ROBO2: variants seen among roughly 807,000 people sequenced by gnomAD.
The protein encoded by ROBO2 is roundabout guidance receptor 2, also known as roundabout homolog 2.
ROBO2 carries 53 observed loss-of-function variants against 160.8 expected under a neutral mutation model. The observed-to-expected ratio is 0.33, with a 90% CI of 0.26 to 0.41. ROBO2 has a LOEUF of 0.41. Ranked by LOEUF, ROBO2 falls within the 10% of genes least tolerant of loss-of-function variation. ROBO2 has a pLI of 1.00. For synonymous variants in ROBO2, 664 were observed against 611.7 expected (o/e 1.09, Z -1.26); for missense variants, 1,577 against 1,722.4 (o/e 0.92, Z 1.49).
At chr3:77,443,473 T>G (rs1168064872) in intron 2 of ROBO2, among the ~76,000 whole-genome samples, 2 of 152,152 alleles carry the variant, frequency 1.3e-5, no homozygotes, top group Non-Finnish European at 2.9e-5. Context: ...CTAGTATATT[T>G]TATAACTACT....
intron 2 of ROBO2, among the ~76,000 whole-genome samples, chr3:76,271,123 T>A (rs1707407274): frequency 6.6e-6 from 1 of 152,096 alleles, no homozygotes; most frequent in African/African-American, 2.4e-5. Flanking sequence ...AAAATAAGCC[T>A]ACTTATCTTT....
chr3:76,850,581 T>C (rs1338528027), intron 2 of ROBO2, among the ~76,000 whole-genome samples: 1 of 152,152 alleles, frequency 6.6e-6, no homozygotes, highest in African/African-American at 2.4e-5. Context: ...TAAGTTCTAG[T>C]GCCCACAGTA....
intron 2 of ROBO2, among the ~76,000 whole-genome samples, chr3:77,169,444 G>A (rs552153152): frequency 1.3e-5 from 2 of 152,276 alleles, no homozygotes; most frequent in Non-Finnish European, 2.9e-5. Context: ...TTGCCAAGTT[G>A]TTTGTGAATC....
intron 2 of ROBO2, among the ~76,000 whole-genome samples, chr3:76,681,993 C>T (rs1395776112): frequency 6.6e-6 from 1 of 152,020 alleles, no homozygotes; most frequent in Admixed American, 6.6e-5. Context: ...TACGGGAGGT[C>T]ATATGTGTGC....
chr3:76,449,663 T>G (rs563106558), intron 2 of ROBO2, among the ~76,000 whole-genome samples: 29 of 152,260 alleles, frequency 1.9e-4, no homozygotes, highest in Admixed American at 5.2e-4. Context: ...CCGAAAGCAG[T>G]GTTTAAGTGT....
intron 2 of ROBO2, among the ~76,000 whole-genome samples, chr3:76,341,348 G>A (rs148811168): frequency 2.0e-5 from 3 of 148,234 alleles, no homozygotes; most frequent in East Asian, 2.0e-4. Flanking sequence ...CCCCTACTAC[G>A]GGTCCAATCC....
At chr3:77,151,051 T>C (rs918673288) in intron 2 of ROBO2, among the ~76,000 whole-genome samples, 4 of 152,242 alleles carry the variant, frequency 2.6e-5, no homozygotes, top group Non-Finnish European at 5.9e-5. Flanking sequence ...AATTTTGTTA[T>C]TAGAAGATGT....
chr3:76,634,436 C>T (rs372418771), intron 2 of ROBO2, among the ~76,000 whole-genome samples: 6 of 152,044 alleles, frequency 3.9e-5, no homozygotes, highest in Admixed American at 2.6e-4. Context: ...GGTGTGGTGG[C>T]GTGTACCTGT....
At chr3:76,360,994 CCT>C (rs2075484439) in intron 2 of ROBO2, among the ~76,000 whole-genome samples, 1 of 151,966 alleles carries the variant, frequency 6.6e-6, no homozygotes, top group Non-Finnish European at 1.5e-5. Flanking sequence ...AAAAAAAAAT[CCT>C]GTTTAGTTAA....
chr3:77,432,009 A>T (rs769998950), intron 2 of ROBO2, among the ~76,000 whole-genome samples: 22 of 152,180 alleles, frequency 1.4e-4, no homozygotes, highest in Non-Finnish European at 3.1e-4. Context: ...ATATTGATGT[A>T]ACTCTAAATA....
At chr3:77,007,489 T>C (rs115671936) in intron 2 of ROBO2, among the ~76,000 whole-genome samples, 2,563 of 152,234 alleles carry the variant, frequency 0.017, 75 homozygotes, top group African/African-American at 0.058. Flanking sequence ...TACCCATTTT[T>C]TTCTGCATTT....
intron 2 of ROBO2, among the ~76,000 whole-genome samples, chr3:76,326,142 T>C (rs181651059): frequency 6.6e-6 from 1 of 152,172 alleles, no homozygotes; most frequent in Non-Finnish European, 1.5e-5. Flanking sequence ...GTTTACCAGT[T>C]TGAGTAATTA....
intron 2 of ROBO2, among the ~76,000 whole-genome samples, chr3:76,179,759 A>G (rs1254684577): frequency 2.0e-5 from 3 of 152,162 alleles, no homozygotes; most frequent in South Asian, 2.1e-4. Flanking sequence ...CAGAGATGTA[A>G]TGCCCAAATA....
At chr3:77,520,440 G>A (rs371879719) in intron 5 of ROBO2, among the ~76,000 whole-genome samples, 46 of 151,236 alleles carry the variant, frequency 3.0e-4, no homozygotes, top group African/African-American at 1.1e-3. Context: ...TATGAACAAT[G>A]TGTGCAATAA....
chr3:77,638,818 C>T (rs1430463828), intron 24 of ROBO2, among the ~76,000 whole-genome samples: 2 of 51,262 alleles, frequency 3.9e-5, no homozygotes, highest in Admixed American at 3.1e-4. Context: ...TTTCACCTAG[C>T]TTTTTTTTTT....
intron 2 of ROBO2, among the ~76,000 whole-genome samples, chr3:77,432,801 T>C (rs1245332939): frequency 6.6e-6 from 1 of 152,160 alleles, no homozygotes; most frequent in Non-Finnish European, 1.5e-5. Context: ...CATGCTACCC[T>C]AGTCGACCCG....
chr3:77,019,591 T>C (rs946841945), intron 2 of ROBO2, among the ~76,000 whole-genome samples: 1 of 152,184 alleles, frequency 6.6e-6, no homozygotes, highest in Non-Finnish European at 1.5e-5. Flanking sequence ...AGGGAGAATG[T>C]ACACACAAGG....
intron 2 of ROBO2, among the ~76,000 whole-genome samples, chr3:76,052,053 A>G (rs548292226): frequency 3.9e-5 from 6 of 152,224 alleles, no homozygotes; most frequent in African/African-American, 9.6e-5. Context: ...ATGAATAATC[A>G]GACATTCTTT....
At chr3:77,237,411 T>TTGTTTTGTGTG (rs1553862751) in intron 2 of ROBO2, among the ~76,000 whole-genome samples, 2 of 131,044 alleles carry the variant, frequency 1.5e-5, no homozygotes, top group African/African-American at 2.8e-5. Flanking sequence ...TTGTTTTGTT[T>TTGTTTTGTGTG]TGTGTGTGTG....
Sources: gnomAD v4.1 joint callset for allele counts (sites outside exome capture counted in the v4.1 genomes callset) on GRCh38, gnomAD v4.1.1 for gene constraint, MANE v1.5 for transcripts, NCBI Gene and HGNC (gene_info 2026-07-23, HGNC 2026-07-21) for gene names.